The following HR variants were observed in gnomAD, a reference collection of about 807,000 sequenced individuals.
The protein encoded by HR is HR lysine demethylase and nuclear receptor corepressor, also known as lysine-specific demethylase hairless.
HR carries 83 observed loss-of-function variants against 128.6 expected under a neutral mutation model. That is an observed-to-expected ratio of 0.65 (90% CI 0.54 to 0.77). The LOEUF (loss-of-function observed/expected upper bound fraction) is 0.77, where lower values mean the gene tolerates loss of function less well. Among genes scored for constraint, HR ranks in the 30% least tolerant of loss-of-function variants. The pLI is 0.00. For synonymous variants in HR, 681 were observed against 658.2 expected (o/e 1.03, Z -0.53); for missense variants, 1,490 against 1,574.6 (o/e 0.95, Z 0.91).
At position 22,130,754 on chromosome 8, in the gene HR, G is replaced by A. The variant is rs1827031336; in HGVS notation, c.-367C>T. ...TGCGCCGCGGGGAGGGCCGGGCCGG[G>A]GCTAGGGAGCGGGTGCCCCCGGAGG... On this transcript the variant is annotated 5_prime_UTR_variant, in exon 1 of 19. Coordinates refer to ENST00000381418, the MANE Select transcript of HR (RefSeq NM_005144.5). 6.6e-6 allele frequency: 1 copy of A among 152,330 alleles called. No individual in the cohort carries two copies. The highest frequency in any genetic ancestry group is 2.1e-4 in the South Asian group (1 of 4,838). 9.4% of individuals were successfully genotyped at this position (152,330 alleles called of 1,614,324 possible).
chr8:22,123,616 A>ACCCCCCCCCCCC, intron 6 of HR, 33 bp downstream of exon 6: 1 of 562,348 alleles, frequency 1.8e-6, no homozygotes, highest in South Asian at 2.2e-5. Flanking sequence ...TGAGGGCTCC[A>ACCCCCCCCCCCC]TCCCGCCCTC....
chr8:22,123,617 T>TGGGGGGGGCCCCCC, intron 6 of HR, 32 bp downstream of exon 6: 17 of 292,088 alleles, frequency 5.8e-5, no homozygotes, highest in East Asian at 1.1e-4. Flanking sequence ...GAGGGCTCCA[T>TGGGGGGGGCCCCCC]CCCGCCCTCC....
intron 2 of HR, chr8:22,128,330 G>A (rs1279579820): frequency 1.6e-6 from 1 of 623,280 alleles, no homozygotes; most frequent in Non-Finnish European, 2.8e-6. Context: ...GACAATGGGT[G>A]AGTCAGTGGC....
Position 22,115,644 on chromosome 8 carries a change from G to T in HR, c.*56C>A. The T allele has an allele frequency of 6.6e-7, 1 of 1,506,286 alleles. No individual in the cohort carries two copies. The highest frequency in any genetic ancestry group is 2.3e-5 in the East Asian group (1 of 44,286). The allele number at this position is 1,506,286 out of a possible 1,614,324, so 93.3% of individuals were successfully genotyped here. On this transcript the variant is annotated 3_prime_UTR_variant, in exon 19 of 19. Coordinates refer to ENST00000381418, the MANE Select transcript of HR (RefSeq NM_005144.5). ...GCCATCCCCTGCTGAAGTTGTGCCT[G>T]GGCTGAGCACCTGGTCTACCTGTCC...
At chr8:22,125,282 C>T (rs1171145265) in intron 5 of HR, 29 bp downstream of exon 5, 1 of 1,550,740 alleles carries the variant, frequency 6.4e-7, no homozygotes, top group Non-Finnish European at 8.7e-7. Context: ...ACACAGAGAC[C>T]CCACGCAGAC....
chr8:22,115,563 G>C lies in HR; in HGVS notation c.*137C>G. Reference sequence around the variant, plus strand: ...AAGGGGGAGGGGAACAGAGTGCCCTGCTTGTGCCCAGAGTGGTGCTTGTGG... The same window carrying C: ...AAGGGGGAGGGGAACAGAGTGCCCTCCTTGTGCCCAGAGTGGTGCTTGTGG... On this transcript the variant is annotated 3_prime_UTR_variant, in exon 19 of 19. Transcript: ENST00000381418. 1 of 764,338 alleles carries C rather than the reference G, an allele frequency of 1.3e-6. No homozygotes were observed. Among genetic ancestry groups the C allele is most frequent in the Non-Finnish European group, 2.3e-6 (1 of 435,088 alleles). The allele number at this position is 764,338 out of a possible 1,614,324, so 47.3% of individuals were successfully genotyped here. A position where few individuals can be genotyped will look rare whatever the true frequency, so the allele number is the denominator to read the frequency against.
In HR at chr8:22,122,459, C is replaced by T. The variant is rs142271312; in HGVS notation, c.2121+34G>A. ...TGCAAAGGTCAGCCATTTGCAGGCA[C>T]GATACCCAACCGGTGACATGCCCTG... On this transcript the variant is annotated intron_variant, in intron 8 of 18. Transcript: ENST00000381418. The T allele has an allele frequency of 8.9e-5, 134 of 1,505,064 alleles. No individual in the cohort carries two copies. In the African/African-American group the frequency reaches 1.5e-3, roughly 16 times the overall value. 93.2% of individuals were successfully genotyped at this position (1,505,064 alleles called of 1,614,324 possible). A position where few individuals can be genotyped will look rare whatever the true frequency, so the allele number is the denominator to read the frequency against.
chr8:22,119,227 C>T lies in HR; in HGVS notation c.3034G>A (p.Asp1012Asn), dbSNP rs121434451. Residue 1012 changes from aspartate to asparagine, a missense_variant, in exon 15 of 19, where the codon GAC becomes AAC. By Grantham distance (23) the Asp-to-Asn change is conservative. Coordinates refer to ENST00000381418, the MANE Select transcript of HR (RefSeq NM_005144.5). Reference protein sequence around the residue: ...GTKNLCVEVADLVSILVHADT... With the variant: ...GTKNLCVEVANLVSILVHADT... ...GCATGCACCAGGATGCTGACCAGGT[C>T]GGCCACCTCCACACAGAGGTTCTTG... is the stretch of plus-strand genomic sequence containing the variant. The T allele has an allele frequency of 3.1e-6, 5 of 1,613,726 alleles. No homozygotes were observed. In the Admixed American group the frequency reaches 5.0e-5, roughly 16 times the overall value.
In HR at chr8:22,128,634, C is replaced by T; in HGVS notation, c.537G>A (p.Trp179Ter). The part of the protein sequence containing the change: ...SGLPPEHPCD[W>*]PLTPHPWVYS... ...ATACCCAGGGGTGCGGGGTCAGGGGCCAGTCACATGGATGCTCTGGGGGCA... is the reference window on the plus strand; with the variant it reads ...ATACCCAGGGGTGCGGGGTCAGGGGTCAGTCACATGGATGCTCTGGGGGCA... Residue 179 changes from tryptophan to a stop codon, truncating the protein, a stop_gained, in exon 2 of 19, where the codon TGG becomes TGA. Coordinates refer to ENST00000381418, the MANE Select transcript of HR (RefSeq NM_005144.5). LOFTEE classifies it high-confidence loss of function. The T allele has an allele frequency of 6.3e-7, 1 of 1,599,146 alleles. No homozygotes were observed. Among genetic ancestry groups the T allele is most frequent in the Non-Finnish European group, 8.5e-7 (1 of 1,173,856 alleles).
intron 14 of HR, 128 bp downstream of exon 14, chr8:22,119,628 AAAAG>A (rs1482420979): frequency 5.4e-5 from 67 of 1,236,574 alleles, no homozygotes; most frequent in Non-Finnish European, 6.5e-5. Context: ...AAAAAAAAAA[AAAAG>A]AAAGAAAGAA....
chr8:22,129,911 C>T (rs958256722), intron 1 of HR, among the ~76,000 whole-genome samples: 1 of 152,230 alleles, frequency 6.6e-6, no homozygotes, highest in Non-Finnish European at 1.5e-5. Context: ...GCTAGGAACC[C>T]CGCCCTGGCC....
chr8:22,116,341 C>G lies in HR; in HGVS notation c.3466G>C (p.Gly1156Arg). The G allele has an allele frequency of 2.5e-6, 4 of 1,612,928 alleles. No individual in the cohort carries two copies. Among genetic ancestry groups the G allele is most frequent in the Non-Finnish European group, 3.4e-6 (4 of 1,179,938 alleles). ...TGGCAGTCAGGGGGAAGGCTGGGTC[C>G]CTGGTGGCAGAGCTGAGCAGAGAGG... ...SALSAQLCHQ[G>R]PSLPPDCHLL... is the part of the protein sequence containing the mutation. The change falls in exon 18 of 19, where the codon GGA becomes CGA. Residue 1156 changes from glycine to arginine, a missense_variant. Coordinates refer to ENST00000381418, the MANE Select transcript of HR (RefSeq NM_005144.5). This position sits in a 1 kb window ranked among gnomAD's most constrained non-coding sequence, Gnocchi z 4.2.
chr8:22,123,086 G>A (rs1826796844), intron 6 of HR, among the ~76,000 whole-genome samples: 1 of 152,180 alleles, frequency 6.6e-6, no homozygotes, highest in Non-Finnish European at 1.5e-5. Context: ...GGCTTTGCAG[G>A]TCCTTAGGCT....
chr8:22,125,577 C>G lies in HR; in HGVS notation c.1556+5G>C. The stretch of plus-strand genomic sequence containing the variant: ...CACTGGAGGTGTCCAGGGGCAATGG[C>G]TCACCTCCGCACTTGCTGAGAGTGG... On this transcript the variant is annotated splice_donor_5th_base_variant and intron_variant, in intron 4 of 18. Transcript: ENST00000381418. 6.2e-7 allele frequency: 1 copy of G among 1,612,850 alleles called. No homozygotes were observed. Among genetic ancestry groups the G allele is most frequent in the Non-Finnish European group, 8.5e-7 (1 of 1,179,596 alleles).
At chr8:22,118,643 T>A in intron 16 of HR, 1 of 442,108 alleles carries the variant, frequency 2.3e-6, no homozygotes, top group South Asian at 2.5e-5. Context: ...GGCGGGGGGC[T>A]GAGACGGGTA....
At position 22,121,132 on chromosome 8, in the gene HR, A is replaced by T; in HGVS notation, c.2300T>A (p.Val767Asp). The change falls in exon 10 of 19, where the codon GTC becomes GAC. Residue 767 changes from valine to aspartate, a missense_variant. By Grantham distance (152) the Val-to-Asp change is radical. This residue lies in a region of HR where 1,060 missense variants were observed against 1,060.9 expected (regional missense o/e 1.00). Coordinates refer to ENST00000381418, the MANE Select transcript of HR (RefSeq NM_005144.5). ...TCGCTCATGGCCCAAGCAGAGTTTG[A>T]CCGCGGTAGAAGCCAGCAGTTCGCA... ...SLCELLASTA[V>D]KLCLGHERIH... is the part of the protein sequence containing the mutation. 6.2e-7 allele frequency: 1 copy of T among 1,613,860 alleles called. No individual in the cohort carries two copies. Among genetic ancestry groups the T allele is most frequent in the Non-Finnish European group, 8.5e-7 (1 of 1,180,004 alleles).
rs1399689382 is a variant in HR, at chr8:22,116,929, G to A, written c.3324C>T (p.Thr1108=). ...LREEWGVSCW[T]LLQAPGEAVL... ...CGGCCTCTCCGGGGGCCTGGAGCAG[G>A]GTCCAGCAGCTCACGCCCCACTCCT... The change falls in exon 17 of 19, where the codon ACC becomes ACT. Residue 1108 remains threonine (T), a synonymous_variant. Transcript: ENST00000381418. This position sits in a 1 kb window ranked among gnomAD's most constrained non-coding sequence, Gnocchi z 4.2. The A allele has an allele frequency of 3.3e-5, 51 of 1,552,594 alleles. No individual in the cohort carries two copies. Among genetic ancestry groups the A allele is most frequent in the Non-Finnish European group, 4.2e-5 (49 of 1,154,612 alleles).
intron 8 of HR, among the ~76,000 whole-genome samples, chr8:22,122,041 TC>T (rs1826767632): frequency 6.6e-6 from 1 of 152,210 alleles, no homozygotes; most frequent in South Asian, 2.1e-4. Context: ...CAAAATGCAT[TC>T]AATGAACTAT....
rs1460886037 is a variant in HR, at chr8:22,120,870, C to T, written c.2456G>A (p.Arg819Gln). The part of the protein sequence containing the change: ...IQEKALGPGL[R>Q]AGPGLRKGLG... ...GCCCTTGCGCAGACCCGGGCCAGCT[C>T]GAAGCCCCGGCCCCAGGGCTTTCTC... The change falls in exon 11 of 19, where the codon CGA (arginine) becomes CAA (glutamine). Residue 819 changes from arginine to glutamine, a missense_variant. Arg to Gln is a conservative substitution (Grantham distance 43). Coordinates refer to ENST00000381418, the MANE Select transcript of HR (RefSeq NM_005144.5). 30 of 1,552,260 alleles carry T rather than the reference C, an allele frequency of 1.9e-5. No individual in the cohort carries two copies. In the East Asian group the frequency reaches 5.1e-4, roughly 26 times the overall value.
Sources: allele counts gnomAD v4.1 joint callset (sites outside exome capture counted in the v4.1 genomes callset), GRCh38; gene constraint gnomAD v4.1.1; regional missense constraint gnomAD v4.1.1; non-coding constraint Gnocchi (gnomAD v3.1); transcripts MANE v1.5; gene names NCBI Gene and HGNC (gene_info 2026-07-23, HGNC 2026-07-21).